Variants in COL6A6 observed in about 807,000 individuals in gnomAD.
The protein encoded by COL6A6 is collagen type VI alpha 6 chain, also known as collagen alpha-6(VI) chain.
COL6A6 carries 183 observed loss-of-function variants against 208.6 expected under a neutral mutation model. The observed-to-expected ratio is 0.88, with a 90% CI of 0.78 to 0.99. The LOEUF (loss-of-function observed/expected upper bound fraction) is 0.99. COL6A6 is among the 50% of genes least tolerant of loss of function. The probability of loss-of-function intolerance (pLI) is 0.00; values close to 1 mark genes in which losing one functional copy is unlikely to be tolerated. For synonymous variants in COL6A6, 973 were observed against 1,011.8 expected (o/e 0.96, Z 0.73); for missense variants, 2,816 against 2,815.2 (o/e 1.00, Z -0.01).
At chr3:130,570,726 A>G (rs2063142248) in intron 6 of COL6A6, 92 bp from the exon 7 acceptor site, 2 of 926,810 alleles carry the variant, frequency 2.2e-6, no homozygotes, top group Non-Finnish European at 3.3e-6. Context: ...CCCCTTGGAG[A>G]GAAAACACTA....
At chr3:130,585,881 A>G (rs2063528697) in intron 10 of COL6A6, among the ~76,000 whole-genome samples, 1 of 152,210 alleles carries the variant, frequency 6.6e-6, no homozygotes, top group Non-Finnish European at 1.5e-5. Flanking sequence ...GAGATTCTGT[A>G]TTTCTGATAA....
At chr3:130,655,285 A>G (rs1198282162) in intron 33 of COL6A6, among the ~76,000 whole-genome samples, 2 of 152,106 alleles carry the variant, frequency 1.3e-5, no homozygotes, top group East Asian at 1.9e-4. Flanking sequence ...TTTCTCTAGA[A>G]GAGAATAGGT....
chr3:130,596,599 T>G (rs2063857482), intron 18 of COL6A6, among the ~76,000 whole-genome samples: 1 of 152,208 alleles, frequency 6.6e-6, no homozygotes, highest in Non-Finnish European at 1.5e-5. Context: ...GATGCTAATT[T>G]TTGAAACCCT....
intron 28 of COL6A6, 76 bp from the exon 29 acceptor site, chr3:130,641,576 A>T: frequency 1.5e-6 from 1 of 673,316 alleles, no homozygotes; most frequent in Non-Finnish European, 2.3e-6. Flanking sequence ...TTGAATTTTA[A>T]TTTTTTAAAA....
At chr3:130,606,687 AT>A (rs1162793249) in intron 20 of COL6A6, among the ~76,000 whole-genome samples, 1 of 152,222 alleles carries the variant, frequency 6.6e-6, no homozygotes, top group Non-Finnish European at 1.5e-5. Flanking sequence ...GTATCTGTAG[AT>A]TTCAATTGTC....
chr3:130,526,716 C>T (rs1271546422), intron 1 of COL6A6, among the ~76,000 whole-genome samples: 1 of 152,016 alleles, frequency 6.6e-6, no homozygotes, highest in Non-Finnish European at 1.5e-5. Context: ...TCAGAGAAAC[C>T]TCTTTTTTAC....
intron 24 of COL6A6, among the ~76,000 whole-genome samples, chr3:130,624,450 CAAG>C (rs1304486775): frequency 2.6e-5 from 4 of 152,128 alleles, no homozygotes; most frequent in Non-Finnish European, 5.9e-5. Context: ...ATGGGGATGA[CAAG>C]AAGTCAACTG....
chr3:130,613,306 C>T (rs925838972), intron 23 of COL6A6, among the ~76,000 whole-genome samples: 2 of 152,062 alleles, frequency 1.3e-5, no homozygotes, highest in South Asian at 4.1e-4. Context: ...TTGGCTTTGT[C>T]AAAGATCAGA....
rs34137705 is a variant in COL6A6, at chr3:130,634,052, TAA to T, written c.4993-515_4993-514del. ...ATGTACCCTAAAACTTAGAGTATAA[TAA>T]AAAAAAAAAAAAAAAAAAAAAATGC... On this transcript the variant is annotated intron_variant, in intron 26 of 36. Coordinates refer to ENST00000358511, the MANE Select transcript of COL6A6 (RefSeq NM_001102608.3). Among the ~76,000 whole-genome samples the T allele has an allele frequency of 2.1e-3, 58 of 27,750 alleles. 1 individual carries two copies. Among genetic ancestry groups the T allele is most frequent in the African/African-American group, 4.4e-3 (9 of 2,044 alleles). The allele number at this position is 27,750 out of a possible 152,430, so 18.2% of individuals were successfully genotyped here.
At chr3:130,603,486 G>A (rs1292609530) in intron 20 of COL6A6, among the ~76,000 whole-genome samples, 4 of 152,168 alleles carry the variant, frequency 2.6e-5, no homozygotes, top group Non-Finnish European at 5.9e-5. Context: ...AGGCAGGAAG[G>A]ATGGACAAGA....
chr3:130,551,646 T>TTC (rs61112259), intron 1 of COL6A6, among the ~76,000 whole-genome samples: 14 of 150,476 alleles, frequency 9.3e-5, no homozygotes, highest in African/African-American at 2.7e-4. Flanking sequence ...TTTTTTTTTT[T>TTC]CACATCTCCA....
intron 1 of COL6A6, among the ~76,000 whole-genome samples, chr3:130,518,595 C>T (rs1710880621): frequency 6.6e-6 from 1 of 152,234 alleles, no homozygotes; most frequent in Non-Finnish European, 1.5e-5. Flanking sequence ...CAACCTCCGC[C>T]TCCCGGGTTC....
rs1559996036 is a variant in COL6A6 at position 130,565,134 on chromosome 3, G to A, written c.802G>A (p.Val268Ile). 1 of 1,613,872 alleles carries A rather than the reference G, an allele frequency of 6.2e-7. No homozygotes were observed. The highest frequency in any genetic ancestry group is 1.7e-5 in the Admixed American group (1 of 60,002). ...TGACATAAAGGAAAATTGCATGAGG[G>A]TTGGCCTTGTGGCCTATAGCAATGA... ...ALDIKENCMRVGLVAYSNETK... is the reference protein window; with the variant it reads ...ALDIKENCMRIGLVAYSNETK... Residue 268 changes from valine to isoleucine, a missense_variant, in exon 4 of 37, where the codon GTT becomes ATT. By Grantham distance (29) the Val-to-Ile change is conservative. Coordinates refer to ENST00000358511, the MANE Select transcript of COL6A6 (RefSeq NM_001102608.3).
chr3:130,666,882 A>G (rs2066087744), intron 36 of COL6A6, among the ~76,000 whole-genome samples: 1 of 152,244 alleles, frequency 6.6e-6, no homozygotes, highest in South Asian at 2.1e-4. Flanking sequence ...AATAGAAAGC[A>G]ACAGTTGGAC....
Position 130,531,067 on chromosome 3 carries a change from C to CAG in COL6A6, c.-32+13670_-32+13671insAG, listed in dbSNP as rs1241684780. Among the ~76,000 whole-genome samples the CAG allele has an allele frequency of 8.7e-4, 118 of 135,920 alleles. 1 individual carries two copies. Among genetic ancestry groups the CAG allele is most frequent in the African/African-American group, 4.2e-3 (116 of 27,648 alleles). The allele number at this position is 135,920 out of a possible 152,430, so 89.2% of individuals were successfully genotyped here. ...ACACACACACACACACACAGTCTCTCTCTCTCTCTCTCTCTCTCTCTCTGC... is the reference window on the plus strand; with the variant it reads ...ACACACACACACACACACAGTCTCTCAGTCTCTCTCTCTCTCTCTCTCTCTGC... On this transcript the variant is annotated intron_variant, in intron 1 of 36. Transcript: ENST00000358511.
intron 29 of COL6A6, 104 bp downstream of exon 29, chr3:130,641,818 G>A (rs115203585): frequency 7.1e-6 from 4 of 564,018 alleles, no homozygotes; most frequent in East Asian, 6.2e-5. Flanking sequence ...TTCTGTCTCT[G>A]CTTCTTGGCC....
At chr3:130,603,916 C>G (rs1343637286) in intron 20 of COL6A6, among the ~76,000 whole-genome samples, 1 of 151,990 alleles carries the variant, frequency 6.6e-6, no homozygotes, top group South Asian at 2.1e-4. Context: ...GACTGAGTAC[C>G]CTGTTCTTGG....
chr3:130,655,737 C>T (rs542884122), intron 33 of COL6A6, among the ~76,000 whole-genome samples: 2 of 152,324 alleles, frequency 1.3e-5, no homozygotes, highest in East Asian at 3.9e-4. Context: ...GTAAATCTGT[C>T]ATGGGATCTT....
chr3:130,531,457 T>TC (rs1180683268), intron 1 of COL6A6, among the ~76,000 whole-genome samples: 9 of 152,128 alleles, frequency 5.9e-5, no homozygotes, highest in Admixed American at 5.2e-4. Context: ...TATGAGCTCT[T>TC]CCCCCTAGTT....
Sources: gnomAD v4.1 joint callset for allele counts (sites outside exome capture counted in the v4.1 genomes callset) on GRCh38, gnomAD v4.1.1 for gene constraint, MANE v1.5 for transcripts, NCBI Gene and HGNC (gene_info 2026-07-23, HGNC 2026-07-21) for gene names.